Variants in DLG2 observed in about 807,000 individuals in gnomAD.
The protein encoded by DLG2 is discs large MAGUK scaffold protein 2, also known as disks large homolog 2.
DLG2 carries 45 observed loss-of-function variants against 132.5 expected under a neutral mutation model. The ratio of observed to expected loss-of-function variants is 0.34; its 90% CI spans 0.27 to 0.44. The LOEUF (loss-of-function observed/expected upper bound fraction) is 0.44. Ranked by LOEUF, DLG2 falls within the 20% of genes least tolerant of loss-of-function variation. The pLI, the probability that DLG2 is intolerant of heterozygous loss-of-function variation, is 1.00. For synonymous variants in DLG2, 424 were observed against 419.6 expected (o/e 1.01, Z -0.13); for missense variants, 1,045 against 1,196.9 (o/e 0.87, Z 1.87).
chr11:84,047,146 A>G (rs2096257955), intron 11 of DLG2, among the ~76,000 whole-genome samples: 1 of 151,630 alleles, frequency 6.6e-6, no homozygotes, highest in African/African-American at 2.4e-5. Flanking sequence ...GGTAAATGCC[A>G]GTCTTCTAAG....
intron 7 of DLG2, among the ~76,000 whole-genome samples, chr11:84,296,478 T>A (rs548689018): frequency 2.7e-4 from 41 of 152,264 alleles, no homozygotes; most frequent in African/African-American, 9.6e-4. Context: ...GCCTGTAACC[T>A]AAGCTGGGGT....
intron 15 of DLG2, among the ~76,000 whole-genome samples, chr11:83,920,057 T>A (rs988055019): frequency 2.0e-5 from 3 of 152,194 alleles, no homozygotes; most frequent in Non-Finnish European, 4.4e-5. Flanking sequence ...CCACAGACCC[T>A]GACACAGTGC....
At chr11:84,885,046 G>A (rs117993291) in intron 6 of DLG2, among the ~76,000 whole-genome samples, 470 of 152,034 alleles carry the variant, frequency 3.1e-3, no homozygotes, top group South Asian at 0.022. Flanking sequence ...AAGCTATGTC[G>A]CAATGCCTGC....
intron 18 of DLG2, among the ~76,000 whole-genome samples, chr11:83,739,402 A>T (rs115729120): frequency 6.6e-6 from 1 of 152,214 alleles, no homozygotes; most frequent in Non-Finnish European, 1.5e-5. Context: ...CTTAGCAGAT[A>T]ATTAAAAAGA....
chr11:85,176,863 A>G (rs2079291480), intron 4 of DLG2, among the ~76,000 whole-genome samples: 1 of 152,200 alleles, frequency 6.6e-6, no homozygotes, highest in South Asian at 2.1e-4. Flanking sequence ...AAAAAAGCCC[A>G]ACATCACTGA....
chr11:83,503,166 G>T (rs1270269478), intron 21 of DLG2, among the ~76,000 whole-genome samples: 1 of 151,318 alleles, frequency 6.6e-6, no homozygotes, highest in Non-Finnish European at 1.5e-5. Context: ...TGGAGGGGAG[G>T]ATAGGCAAGC....
chr11:85,314,196 G>C (rs142902861), intron 3 of DLG2, among the ~76,000 whole-genome samples: 1 of 151,904 alleles, frequency 6.6e-6, no homozygotes, highest in Non-Finnish European at 1.5e-5. Flanking sequence ...TTTCTGGATA[G>C]TATAGGAGAT....
chr11:84,086,724 A>G lies in DLG2; in HGVS notation c.749+12199T>C, dbSNP rs564288341. Reference sequence around the variant, plus strand: ...AGGCTGGCCTCCAACTCCTGTGCTCAAGCAATCTGCCCGCCTTAGCCTCCC... The same window carrying G: ...AGGCTGGCCTCCAACTCCTGTGCTCGAGCAATCTGCCCGCCTTAGCCTCCC... On this transcript the variant is annotated intron_variant, in intron 10 of 27. Coordinates refer to ENST00000376104, the MANE Select transcript of DLG2 (RefSeq NM_001142699.3). Among the ~76,000 whole-genome samples the G allele has an allele frequency of 2.0e-5, 3 of 152,234 alleles. No individual in the cohort carries two copies. In the East Asian group the frequency reaches 5.8e-4, roughly 29 times the overall value.
chr11:85,070,495 A>C (rs1002549323), intron 6 of DLG2, among the ~76,000 whole-genome samples: 3 of 151,722 alleles, frequency 2.0e-5, no homozygotes, highest in African/African-American at 7.2e-5. Flanking sequence ...GGTGACAGGT[A>C]CTTAAAAGCC....
At chr11:84,184,327 T>C (rs900236054) in intron 8 of DLG2, among the ~76,000 whole-genome samples, 2 of 151,938 alleles carry the variant, frequency 1.3e-5, no homozygotes, top group Non-Finnish European at 2.9e-5. Flanking sequence ...TGATGGCCAG[T>C]GATGATGAGC....
intron 11 of DLG2, among the ~76,000 whole-genome samples, chr11:84,056,427 A>T (rs942221910): frequency 2.0e-5 from 3 of 152,122 alleles, no homozygotes; most frequent in Non-Finnish European, 4.4e-5. Context: ...TTCCAGTGAA[A>T]TCATGGCTCA....
intron 16 of DLG2, among the ~76,000 whole-genome samples, chr11:83,873,022 C>T (rs1167505511): frequency 6.6e-6 from 1 of 152,028 alleles, no homozygotes; most frequent in African/African-American, 2.4e-5. Context: ...ATTTTTTTCA[C>T]ACTTAGGAAA....
At chr11:84,242,541 G>T (rs2097244900) in intron 8 of DLG2, among the ~76,000 whole-genome samples, 1 of 152,042 alleles carries the variant, frequency 6.6e-6, no homozygotes, top group Admixed American at 6.6e-5. Context: ...AAGTAGCTGG[G>T]ATTACAGGTG....
chr11:83,693,992 A>G (rs1042102259), intron 18 of DLG2, among the ~76,000 whole-genome samples: 2 of 152,178 alleles, frequency 1.3e-5, no homozygotes, highest in African/African-American at 2.4e-5. Flanking sequence ...AAAAATAGCT[A>G]TTGATTCCTG....
At chr11:85,048,692 G>A (rs1233530181) in intron 6 of DLG2, among the ~76,000 whole-genome samples, 3 of 151,990 alleles carry the variant, frequency 2.0e-5, no homozygotes, top group Non-Finnish European at 4.4e-5. Context: ...TCGGGACAAT[G>A]TAAATTAGGG....
At chr11:85,118,131 T>C (rs963105488) in intron 5 of DLG2, among the ~76,000 whole-genome samples, 1 of 152,120 alleles carries the variant, frequency 6.6e-6, no homozygotes, top group Non-Finnish European at 1.5e-5. Flanking sequence ...TGCTTCTTTT[T>C]ATTTTCTCAG....
intron 6 of DLG2, among the ~76,000 whole-genome samples, chr11:84,917,773 G>A (rs902267834): frequency 3.9e-5 from 6 of 152,064 alleles, no homozygotes; most frequent in Non-Finnish European, 7.4e-5. Flanking sequence ...AATCTAACAC[G>A]TTAAGTAGGC....
chr11:84,462,077 A>G (rs1187228159), intron 7 of DLG2, among the ~76,000 whole-genome samples: 1 of 151,034 alleles, frequency 6.6e-6, no homozygotes, highest in Non-Finnish European at 1.5e-5. Flanking sequence ...CATCTGTGAA[A>G]TGAAAAGACT....
chr11:85,484,152 C>T (rs901961030), intron 3 of DLG2, among the ~76,000 whole-genome samples: 2 of 151,912 alleles, frequency 1.3e-5, no homozygotes, highest in African/African-American at 2.4e-5. Flanking sequence ...GGGTCAGGTC[C>T]GCGCAGTCCG....
Sources: allele counts gnomAD v4.1 joint callset (sites outside exome capture counted in the v4.1 genomes callset), GRCh38; gene constraint gnomAD v4.1.1; transcripts MANE v1.5; gene names NCBI Gene and HGNC (gene_info 2026-07-23, HGNC 2026-07-21).